FRMD4A: variants seen among roughly 807,000 people sequenced by gnomAD.
FRMD4A encodes FERM domain containing 4A, also known as FERM domain-containing protein 4A.
FRMD4A carries 29 observed loss-of-function variants against 129.1 expected under a neutral mutation model. The ratio of observed to expected loss-of-function variants is 0.22; its 90% CI spans 0.17 to 0.31. FRMD4A has a LOEUF of 0.31. FRMD4A is among the 10% of genes least tolerant of loss of function. The pLI, the probability that FRMD4A is intolerant of heterozygous loss-of-function variation, is 1.00. For synonymous variants in FRMD4A, 634 were observed against 571.6 expected, an observed-to-expected ratio of 1.11 and a Z score of -1.56; for missense variants, 1,272 against 1,375.8, an observed-to-expected ratio of 0.92 and a Z score of 1.19.
intron 9 of FRMD4A, among the ~76,000 whole-genome samples, chr10:13,743,868 G>A (rs2091148372): frequency 6.6e-6 from 1 of 152,102 alleles, no homozygotes; most frequent in Non-Finnish European, 1.5e-5. Context: ...GGGCTGAAGT[G>A]CTCTGAGCTT....
intron 2 of FRMD4A, among the ~76,000 whole-genome samples, chr10:13,885,496 A>G (rs1004231900): frequency 5.3e-5 from 8 of 152,196 alleles, no homozygotes; most frequent in Non-Finnish European, 1.2e-4. Context: ...AGCTGAGACC[A>G]GGGCGAGGTC....
chr10:13,999,740 G>A (rs529095853), intron 2 of FRMD4A, among the ~76,000 whole-genome samples: 52 of 152,348 alleles, frequency 3.4e-4, no homozygotes, highest in African/African-American at 1.0e-3. Flanking sequence ...TGCACCCAAA[G>A]GTGTTAATTG....
intron 2 of FRMD4A, among the ~76,000 whole-genome samples, chr10:13,959,358 G>A (rs2095431173): frequency 6.6e-6 from 1 of 151,418 alleles, no homozygotes; most frequent in African/African-American, 2.4e-5. Context: ...TTTGGCCCCA[G>A]CTACTTGGGA....
rs1357462198 is a variant in FRMD4A at position 14,297,605 on chromosome 10, CT to C, written c.45+32452del. On this transcript the variant is annotated intron_variant, in intron 2 of 24. Coordinates refer to ENST00000357447, the MANE Select transcript of FRMD4A (RefSeq NM_018027.5). ...TTCTGGGTATCCTGGGTCCTCCTGA[CT>C]GGACCCCAGGCCTTTTTCAAATTCC... Among the ~76,000 whole-genome samples the C allele has an allele frequency of 1.7e-4, 26 of 152,346 alleles. No individual in the cohort carries two copies. In the South Asian group the frequency reaches 1.9e-3, roughly 11 times the overall value.
chr10:13,658,980 A>G (rs1488750991), intron 21 of FRMD4A, among the ~76,000 whole-genome samples: 1 of 152,082 alleles, frequency 6.6e-6, no homozygotes, highest in Non-Finnish European at 1.5e-5. Context: ...TTGAGGCACT[A>G]AAGGAAGTCC....
intron 13 of FRMD4A, among the ~76,000 whole-genome samples, chr10:13,705,342 G>A (rs929341778): frequency 6.6e-6 from 1 of 152,188 alleles, no homozygotes; most frequent in African/African-American, 2.4e-5. Context: ...CAGACGCACA[G>A]AGAACACGAA....
rs2085971843 is a variant in FRMD4A, at chr10:13,693,948, C to A, written c.1067G>T (p.Gly356Val). The change falls in exon 15 of 25, where the codon GGT becomes GTT. Residue 356 changes from glycine to valine, a missense_variant. Gly to Val is a moderately radical substitution (Grantham distance 109). Coordinates refer to ENST00000357447, the MANE Select transcript of FRMD4A (RefSeq NM_018027.5). Reference protein sequence around the residue: ...TLKTSKLANMGSKGKIISGSS... With the variant: ...TLKTSKLANMVSKGKIISGSS... ...GCCGCTGATGATCTTCCCCTTGCTACCCATGTTGGCCAGCTTCGAGGTCTT... is the reference window on the plus strand; with the variant it reads ...GCCGCTGATGATCTTCCCCTTGCTAACCATGTTGGCCAGCTTCGAGGTCTT... 6.3e-7 allele frequency: 1 copy of A among 1,599,902 alleles called. No individual in the cohort carries two copies. The highest frequency in any genetic ancestry group is 8.5e-7 in the Non-Finnish European group (1 of 1,174,976).
intron 12 of FRMD4A, among the ~76,000 whole-genome samples, chr10:13,709,044 C>A (rs2134913018): frequency 6.6e-6 from 1 of 152,266 alleles, no homozygotes; most frequent in East Asian, 1.9e-4. Context: ...CTCACTGCAA[C>A]CTCTGCCTCT....
chr10:14,185,492 T>C (rs1359732), intron 2 of FRMD4A, among the ~76,000 whole-genome samples: 107,679 of 152,184 alleles, frequency 0.71, 38,223 homozygotes, highest in African/African-American at 0.73. Context: ...TTGTAATTTT[T>C]CTAACTTCAA....
intron 2 of FRMD4A, among the ~76,000 whole-genome samples, chr10:14,189,996 C>T (rs983456434): frequency 6.6e-6 from 1 of 152,164 alleles, no homozygotes; most frequent in African/African-American, 2.4e-5. Context: ...ACCTTGATAC[C>T]TCTAATACAT....
At chr10:14,178,858 G>A (rs1203920040) in intron 2 of FRMD4A, among the ~76,000 whole-genome samples, 1 of 152,080 alleles carries the variant, frequency 6.6e-6, no homozygotes, top group Non-Finnish European at 1.5e-5. Flanking sequence ...AAGAGAAAGG[G>A]AGTTTTCTCT....
At chr10:14,177,282 C>G (rs1286197308) in intron 2 of FRMD4A, among the ~76,000 whole-genome samples, 4 of 152,058 alleles carry the variant, frequency 2.6e-5, no homozygotes, top group African/African-American at 9.7e-5. Context: ...ACTGCAATCT[C>G]TACCTCCTGG....
intron 2 of FRMD4A, among the ~76,000 whole-genome samples, chr10:14,312,576 T>C (rs1846588408): frequency 1.3e-5 from 2 of 152,190 alleles, no homozygotes; most frequent in African/African-American, 2.4e-5. Flanking sequence ...TTTATAATTA[T>C]AAAATATTAA....
rs996260848 is a variant in FRMD4A at position 13,848,334 on chromosome 10, C to A, written c.111+10513G>T. On this transcript the variant is annotated intron_variant, in intron 3 of 24. Coordinates refer to ENST00000357447, the MANE Select transcript of FRMD4A (RefSeq NM_018027.5). ...TTTTCTCTCTCCCTTTACGTTTGAG[C>A]CACATGAAATTGTCCCCTTAGCAGG... Among the ~76,000 whole-genome samples, 8 of 152,178 alleles carry A rather than the reference C, an allele frequency of 5.3e-5. 1 individual carries two copies. Among genetic ancestry groups the A allele is most frequent in the Non-Finnish European group, 1.2e-4 (8 of 68,044 alleles).
At position 14,102,869 on chromosome 10, in the gene FRMD4A, T is replaced by A. The variant is rs548126259; in HGVS notation, c.45+227189A>T. 8.5e-5 allele frequency among the ~76,000 whole-genome samples: 13 copies of A among 152,294 alleles called. No individual in the cohort carries two copies. In the South Asian group the frequency reaches 2.7e-3, roughly 32 times the overall value. On this transcript the variant is annotated intron_variant, in intron 2 of 24. Coordinates refer to ENST00000357447, the MANE Select transcript of FRMD4A (RefSeq NM_018027.5). Reference sequence around the variant, plus strand: ...TTAAAGAGATCTGACAGCTCAATTTTCCAATATGATAGGCAGGAAATATGA... The same window carrying A: ...TTAAAGAGATCTGACAGCTCAATTTACCAATATGATAGGCAGGAAATATGA...
intron 2 of FRMD4A, among the ~76,000 whole-genome samples, chr10:14,201,086 G>A (rs1375618307): frequency 6.6e-6 from 1 of 152,170 alleles, no homozygotes; most frequent in Admixed American, 6.5e-5. Context: ...AGAGCTCAGT[G>A]TTCAGGCCCA....
intron 15 of FRMD4A, among the ~76,000 whole-genome samples, chr10:13,679,818 A>T (rs2084375997): frequency 6.6e-6 from 1 of 152,114 alleles, no homozygotes; most frequent in Non-Finnish European, 1.5e-5. Context: ...TGCTACCTGC[A>T]ACTAAGCAAA....
intron 2 of FRMD4A, among the ~76,000 whole-genome samples, chr10:13,947,100 C>G (rs2095337551): frequency 6.6e-6 from 1 of 152,066 alleles, no homozygotes; most frequent in South Asian, 2.1e-4. Flanking sequence ...ATCTAACCAC[C>G]TGAAAGGAAG....
chr10:13,661,294 G>C (rs2082623236), intron 19 of FRMD4A, among the ~76,000 whole-genome samples: 1 of 152,214 alleles, frequency 6.6e-6, no homozygotes, highest in South Asian at 2.1e-4. Flanking sequence ...CAAATTCAGT[G>C]AGTCTAGGAG....
Sources: allele counts gnomAD v4.1 joint callset (sites outside exome capture counted in the v4.1 genomes callset), GRCh38; gene constraint gnomAD v4.1.1; transcripts MANE v1.5; gene names NCBI Gene and HGNC (gene_info 2026-07-23, HGNC 2026-07-21).